ZNF730: variants seen among roughly 807,000 people sequenced by gnomAD.
The protein encoded by ZNF730 is putative zinc finger protein 730.
A neutral mutation model predicts 12.6 loss-of-function variants in ZNF730; 12 were observed. That is an observed-to-expected ratio of 0.95 (90% confidence interval 0.61 to 1.54). ZNF730 has a LOEUF of 1.54. Ranked by LOEUF, ZNF730 falls within the 40% of genes most tolerant of loss-of-function variation. The probability of loss-of-function intolerance (pLI) is 0.00; values close to 1 mark genes in which losing one functional copy is unlikely to be tolerated. For synonymous variants in ZNF730, 194 were observed against 195.8 expected, an observed-to-expected ratio of 0.99 and a Z score of 0.08; for missense variants, 643 against 583.5, an observed-to-expected ratio of 1.10 and a Z score of -1.05.
At chr19:23,116,525 G>GC (rs1026795152), upstream of ZNF730, among the ~76,000 whole-genome samples, 7 of 147,236 alleles carry the variant, frequency 4.8e-5, no homozygotes, top group African/African-American at 1.8e-4. Context: ...CCCTGCCTTA[G>GC]CCTCCCGAGT....
At chr19:23,090,096 A>C (rs529044328) in intron 1 of ZNF730, among the ~76,000 whole-genome samples, 51 of 152,222 alleles carry the variant, frequency 3.4e-4, no homozygotes, top group African/African-American at 1.1e-3. Flanking sequence ...AAATACAAAA[A>C]TCAGCTGGGT....
At position 23,145,422 on chromosome 19, in the gene ZNF730, C is replaced by CA. The variant is rs1568318785; in HGVS notation, c.384dup (p.Gly129ArgfsTer3). On this transcript the variant is annotated frameshift_variant, in exon 4 of 4. Coordinates refer to ENST00000597761, the MANE Select transcript of ZNF730 (RefSeq NM_001277403.2). LOFTEE classifies it low-confidence loss of function (END_TRUNC). ...AAAATGTGGATGAGTTTAAGATGCA[C>CA]AAAAAAGGTTATAATAGACATAACC... The CA allele has an allele frequency of 4.4e-6, 7 of 1,582,476 alleles. No individual in the cohort carries two copies. Among genetic ancestry groups the CA allele is most frequent in the Middle Eastern group, 1.7e-4 (1 of 6,018 alleles).
At chr19:23,117,622 A>G (rs1355642467) in intron 1 of ZNF730, among the ~76,000 whole-genome samples, 1 of 152,240 alleles carries the variant, frequency 6.6e-6, no homozygotes, top group East Asian at 1.9e-4. Context: ...GAATGATTCT[A>G]AAATTGTAGA....
chr19:23,104,562 CTCTT>C (rs1328394627), intron 1 of ZNF730, among the ~76,000 whole-genome samples: 1 of 152,122 alleles, frequency 6.6e-6, no homozygotes, highest in Non-Finnish European at 1.5e-5. Context: ...TTTTCTCTGC[CTCTT>C]TCCTCTAGAA....
chr19:23,086,650 GTTC>G (rs150805708), intron 1 of ZNF730, among the ~76,000 whole-genome samples: 8,195 of 152,182 alleles, frequency 0.054, 254 homozygotes, highest in Middle Eastern at 0.088. Flanking sequence ...GTCTGTTTCT[GTTC>G]TTGTACCAGT....
In ZNF730 at chr19:23,145,731, A is replaced by G. The variant is rs1043018685; in HGVS notation, c.687A>G (p.Lys229=). The G allele has an allele frequency of 5.8e-6, 9 of 1,558,952 alleles. No individual in the cohort carries two copies. Among genetic ancestry groups the G allele is most frequent in the Non-Finnish European group, 7.8e-6 (9 of 1,153,368 alleles). Residue 229 remains lysine (K), a synonymous_variant, in exon 4 of 4, where the codon AAA becomes AAG. Transcript: ENST00000597761. ...GAATTACTGAGAAAAAACCTTACAA[A>G]TGTAAAGAATGTGGCAAAGCCTTTA... ...HKRITEKKPY[K]CKECGKAFNW...
At chr19:23,121,680 C>G (rs1283663597) in intron 1 of ZNF730, among the ~76,000 whole-genome samples, 1 of 152,140 alleles carries the variant, frequency 6.6e-6, no homozygotes, top group African/African-American at 2.4e-5. Context: ...TTTTTAATAA[C>G]ATATTTTTTC....
chr19:23,122,114 A>G (rs1318683344), intron 1 of ZNF730, among the ~76,000 whole-genome samples: 1 of 146,160 alleles, frequency 6.8e-6, no homozygotes, highest in East Asian at 2.0e-4. Flanking sequence ...TTTAAAGTAG[A>G]CACAAATTTG....
chr19:23,096,073 C>T (rs914943466), intron 1 of ZNF730, among the ~76,000 whole-genome samples: 3 of 152,118 alleles, frequency 2.0e-5, no homozygotes, highest in Non-Finnish European at 4.4e-5. Flanking sequence ...ATGTAGTTGG[C>T]CCCAGCTCCA....
chr19:23,128,006 A>T, intron 1 of ZNF730: 1 of 746,868 alleles, frequency 1.3e-6, no homozygotes, highest in South Asian at 1.4e-5. Flanking sequence ...TCTGTGACCT[A>T]TGGCATGGAC....
rs1351193120 is a variant in ZNF730, at chr19:23,145,254, A to ATTTTTATTTCTT, written c.227-15_227-4dup. 2 of 1,463,630 alleles carry ATTTTTATTTCTT rather than the reference A, an allele frequency of 1.4e-6. No homozygotes were observed. The highest frequency in any genetic ancestry group is 1.8e-6 in the Non-Finnish European group (2 of 1,107,892). The allele number at this position is 1,463,630 out of a possible 1,614,324, so 90.7% of individuals were successfully genotyped here. On this transcript the variant is annotated splice_polypyrimidine_tract_variant and intron_variant, in intron 3 of 3. Transcript: ENST00000597761. ...AGTCTAGTACATGCAGTAATTTGTTATTTTTATTTCTTTCAGTTATATGTT... is the reference window on the plus strand; with the variant it reads ...AGTCTAGTACATGCAGTAATTTGTTATTTTTATTTCTTTTTTTATTTCTTTCAGTTATATGTT...
intron 1 of ZNF730, among the ~76,000 whole-genome samples, chr19:23,089,151 G>A (rs371135779): frequency 5.9e-5 from 9 of 152,054 alleles, no homozygotes; most frequent in Non-Finnish European, 8.8e-5. Context: ...GCTTACAGGC[G>A]TGAGCCACCG....
At chr19:23,092,183 TG>T (rs1970170966) in intron 1 of ZNF730, among the ~76,000 whole-genome samples, 1 of 152,188 alleles carries the variant, frequency 6.6e-6, no homozygotes, top group Admixed American at 6.5e-5. Context: ...AAGGGCCTTT[TG>T]CCTCCCACCA....
intron 1 of ZNF730, chr19:23,123,750 G>GT (rs1247109483): frequency 2.0e-5 from 3 of 152,400 alleles, no homozygotes; most frequent in East Asian, 1.9e-4. Flanking sequence ...TCTAATCTGA[G>GT]TTTTTTCTTA....
At chr19:23,081,841 C>T (rs1053232551) in intron 1 of ZNF730, among the ~76,000 whole-genome samples, 3 of 152,138 alleles carry the variant, frequency 2.0e-5, no homozygotes, top group Non-Finnish European at 4.4e-5. Flanking sequence ...TCACTGTAAC[C>T]CCAAACTCGC....
At chr19:23,081,911 C>T (rs188251917) in intron 1 of ZNF730, among the ~76,000 whole-genome samples, 5 of 152,214 alleles carry the variant, frequency 3.3e-5, no homozygotes, top group Admixed American at 3.3e-4. Flanking sequence ...TGCCACCATG[C>T]CATGTCTATT....
intron 1 of ZNF730, among the ~76,000 whole-genome samples, chr19:23,088,766 A>C (rs868427961): frequency 3.3e-5 from 5 of 152,132 alleles, no homozygotes; most frequent in African/African-American, 1.2e-4. Flanking sequence ...TGCCCAGCGT[A>C]TTGAGAGTTT....
intron 1 of ZNF730, among the ~76,000 whole-genome samples, chr19:23,122,103 T>C (rs1236725745): frequency 6.6e-6 from 1 of 151,106 alleles, no homozygotes; most frequent in Admixed American, 6.6e-5. Context: ...ATTTTTAGTC[T>C]TTTAAAGTAG....
At chr19:23,100,419 T>G (rs975993881) in intron 1 of ZNF730, 1 of 152,122 alleles carries the variant, frequency 6.6e-6, no homozygotes, top group African/African-American at 2.4e-5. Flanking sequence ...CTGACATATA[T>G]AAAGCCCTAG....
Sources: gnomAD v4.1 joint callset for allele counts (sites outside exome capture counted in the v4.1 genomes callset) on GRCh38, gnomAD v4.1.1 for gene constraint, MANE v1.5 for transcripts, NCBI Gene and HGNC (gene_info 2026-07-23, HGNC 2026-07-21) for gene names.